The following GADL1 variants were observed in gnomAD, a reference collection of about 807,000 sequenced individuals.
GADL1 encodes the protein GAD like acidic amino acid decarboxylase 1.
Under a neutral mutation model 69.5 loss-of-function variants are expected in GADL1, and 71 were observed. That is an observed-to-expected ratio of 1.02 (90% CI 0.84 to 1.25). The LOEUF (loss-of-function observed/expected upper bound fraction) is 1.25, where lower values mean the gene tolerates loss of function less well. Ranked by LOEUF, GADL1 falls within the 50% of genes most tolerant of loss-of-function variation. GADL1 has a pLI of 0.00. For synonymous variants in GADL1, 254 were observed against 214.4 expected, an observed-to-expected ratio of 1.18 and a Z score of -1.62; for missense variants, 737 against 631.8, an observed-to-expected ratio of 1.17 and a Z score of -1.79.
At chr3:30,777,031 C>T (rs1696556284) in intron 14 of GADL1, among the ~76,000 whole-genome samples, 1 of 152,168 alleles carries the variant, frequency 6.6e-6, no homozygotes, top group Admixed American at 6.5e-5. Flanking sequence ...CAGTTAATCT[C>T]CATTCAGGTA....
chr3:30,764,147 T>C (rs1202392507), intron 14 of GADL1, among the ~76,000 whole-genome samples: 1 of 136,458 alleles, frequency 7.3e-6, no homozygotes, highest in Non-Finnish European at 1.6e-5. Context: ...ATTAACGCTT[T>C]ACTGAAGTGA....
intron 11 of GADL1, among the ~76,000 whole-genome samples, chr3:30,808,057 A>G (rs1189813897): frequency 1.3e-5 from 2 of 152,140 alleles, no homozygotes; most frequent in Non-Finnish European, 2.9e-5. Context: ...GTTTTTCCCA[A>G]AAGGAAGCAA....
intron 1 of GADL1, among the ~76,000 whole-genome samples, chr3:30,884,338 C>G (rs1469377152): frequency 6.6e-6 from 1 of 151,974 alleles, no homozygotes; most frequent in Non-Finnish European, 1.5e-5. Context: ...TAGCATCAGG[C>G]AAAAACTCAT....
At chr3:30,791,893 G>A (rs1696928639) in intron 12 of GADL1, among the ~76,000 whole-genome samples, 1 of 152,156 alleles carries the variant, frequency 6.6e-6, no homozygotes, top group Non-Finnish European at 1.5e-5. Flanking sequence ...TTCCCCTGCA[G>A]ATGCTCTTAC....
chr3:30,850,827 G>A lies in GADL1; in HGVS notation c.535+8C>T, dbSNP rs373713449. On this transcript the variant is annotated splice_region_variant and intron_variant, in intron 5 of 14. Transcript: ENST00000282538. ...GGAAGGTTGATATCAATAACTAATT[G>A]TACTCACCTGGGTTAAATATTCCAT... is the stretch of plus-strand genomic sequence containing the variant. 8.9e-5 allele frequency: 132 copies of A among 1,480,688 alleles called. No individual in the cohort carries two copies. The highest frequency in any genetic ancestry group is 3.4e-4 in the Middle Eastern group (2 of 5,840). The allele number at this position is 1,480,688 out of a possible 1,614,324, so 91.7% of individuals were successfully genotyped here. A position where few individuals can be genotyped will look rare whatever the true frequency, so the allele number is the denominator to read the frequency against.
At position 30,842,183 on chromosome 3, in the gene GADL1, A is replaced by AT. The variant is rs200506866; in HGVS notation, c.786+2026dup. On this transcript the variant is annotated intron_variant, in intron 8 of 14. Transcript: ENST00000282538. ...AATCCTTGATTCAGACAAGTCAACT[A>AT]TTTTTTTTAAAAGGGCAATGGGGAA... Among the ~76,000 whole-genome samples, 577 of 152,156 alleles carry AT rather than the reference A, an allele frequency of 3.8e-3. 6 individuals are homozygous for AT. The highest frequency in any genetic ancestry group is 0.013 in the African/African-American group (520 of 41,514).
At chr3:30,850,737 C>CTTTTTTTTTTTTTTTTATACACGACTTTT in intron 5 of GADL1, 98 bp downstream of exon 5, 1 of 680,942 alleles carries the variant, frequency 1.5e-6, no homozygotes, top group Admixed American at 2.5e-5. Flanking sequence ...TAATATCCAA[C>CTTTTTTTTTTTTTTTTATACACGACTTTT]TTTTTGTCGT....
In GADL1 at chr3:30,844,461, A is replaced by G; in HGVS notation, c.657T>C (p.His219=). ...RLILFTSAEC[H]YSMKKAASFL... ...AAGAGGCTGCCTTCTTCATAGAGTAATGACACTGAATTCAAAGGGACAGTG... is the reference window on the plus strand; with the variant it reads ...AAGAGGCTGCCTTCTTCATAGAGTAGTGACACTGAATTCAAAGGGACAGTG... Residue 219 remains histidine, a synonymous_variant, in exon 7 of 15, where the codon CAT becomes CAC. Coordinates refer to ENST00000282538, the MANE Select transcript of GADL1 (RefSeq NM_207359.3). 1 of 1,604,958 alleles carries G rather than the reference A, an allele frequency of 6.2e-7. No homozygotes were observed. Among genetic ancestry groups the G allele is most frequent in the Non-Finnish European group, 8.5e-7 (1 of 1,171,692 alleles).
chr3:30,775,729 AT>A (rs1390337645), intron 14 of GADL1, among the ~76,000 whole-genome samples: 2 of 152,214 alleles, frequency 1.3e-5, no homozygotes, highest in Non-Finnish European at 2.9e-5. Context: ...TATTTACTGT[AT>A]GATCATCCAT....
chr3:30,762,698 T>G (rs1426222090), intron 14 of GADL1, among the ~76,000 whole-genome samples: 14 of 152,122 alleles, frequency 9.2e-5, no homozygotes, highest in Admixed American at 5.9e-4. Context: ...ATAATAGGTC[T>G]CCTTCATTCT....
At chr3:30,769,916 A>G (rs57410141) in intron 14 of GADL1, among the ~76,000 whole-genome samples, 1,422 of 49,120 alleles carry the variant, frequency 0.029, 22 homozygotes, top group African/African-American at 0.18. Context: ...CACACAGGTA[A>G]TCAAGGACTG....
chr3:30,869,660 G>T (rs1221074516), intron 1 of GADL1, among the ~76,000 whole-genome samples: 2 of 151,540 alleles, frequency 1.3e-5, no homozygotes, highest in African/African-American at 4.9e-5. Context: ...AGCAAGACGA[G>T]AATTTTAATC....
chr3:30,889,149 G>C (rs1575249590), intron 1 of GADL1, among the ~76,000 whole-genome samples: 1 of 148,044 alleles, frequency 6.8e-6, no homozygotes, highest in Admixed American at 7.0e-5. Flanking sequence ...CACATGGCTG[G>C]GGAAGCCTTA....
intron 1 of GADL1, among the ~76,000 whole-genome samples, chr3:30,887,326 G>T (rs955416952): frequency 6.6e-6 from 1 of 152,178 alleles, no homozygotes; most frequent in African/African-American, 2.4e-5. Context: ...GCCTTTAAGA[G>T]GTAATTGGAT....
chr3:30,782,722 C>T (rs1696693215), intron 13 of GADL1, among the ~76,000 whole-genome samples: 1 of 151,976 alleles, frequency 6.6e-6, no homozygotes, highest in South Asian at 2.1e-4. Context: ...TAAGGGAGTG[C>T]CCTGATGAAA....
chr3:30,768,570 G>GA lies in GADL1; in HGVS notation c.1392+9608dup, dbSNP rs543163596. On this transcript the variant is annotated intron_variant, in intron 14 of 14. Coordinates refer to ENST00000282538, the MANE Select transcript of GADL1 (RefSeq NM_207359.3). ...AAGAGGGGGAGAGAGAAGGGGTGGG[G>GA]AGGGGGAGGAGAGGCGGAGAAGGAA... Among the ~76,000 whole-genome samples, 318 of 145,654 alleles carry GA rather than the reference G, an allele frequency of 2.2e-3. 1 individual carries two copies. The highest frequency in any genetic ancestry group is 3.2e-3 in the Non-Finnish European group (214 of 66,128).
At chr3:30,841,930 A>G (rs1575229895) in intron 8 of GADL1, among the ~76,000 whole-genome samples, 1 of 152,326 alleles carries the variant, frequency 6.6e-6, no homozygotes, top group Non-Finnish European at 1.5e-5. Context: ...CAAATTACAG[A>G]AAATATAAAG....
At chr3:30,875,578 G>T (rs1391555455) in intron 1 of GADL1, among the ~76,000 whole-genome samples, 1 of 151,854 alleles carries the variant, frequency 6.6e-6, no homozygotes, top group African/African-American at 2.4e-5. Flanking sequence ...GATAATTTCT[G>T]CAGACACTCT....
rs142423605 is a variant in GADL1 at position 30,842,285 on chromosome 3, C to T, written c.786+1925G>A. On this transcript the variant is annotated intron_variant, in intron 8 of 14. Coordinates refer to ENST00000282538, the MANE Select transcript of GADL1 (RefSeq NM_207359.3). ...CTATGGTATGTTGTTTAAGCAAGTA[C>T]GTATCCTTCATAAATATACTCAACT... Among the ~76,000 whole-genome samples the T allele has an allele frequency of 1.6e-4, 24 of 152,086 alleles. No individual in the cohort carries two copies. The East Asian group carries it at 2.5e-3, about 16-fold the overall frequency.
Sources: gnomAD v4.1 joint callset for allele counts (sites outside exome capture counted in the v4.1 genomes callset) on GRCh38, gnomAD v4.1.1 for gene constraint, MANE v1.5 for transcripts, NCBI Gene and HGNC (gene_info 2026-07-23, HGNC 2026-07-21) for gene names.